The following SPAG16 variants were observed in gnomAD, a reference collection of about 807,000 sequenced individuals.
SPAG16 encodes the protein sperm-associated antigen 16 protein.
A neutral mutation model predicts 80.4 loss-of-function variants in SPAG16; 86 were observed. The observed-to-expected ratio is 1.07, with a 90% CI of 0.90 to 1.28. The LOEUF is 1.28. Among genes scored for constraint, SPAG16 ranks in the 50% most tolerant of loss-of-function variants. SPAG16 has a pLI of 0.00. For missense variants in SPAG16, 870 were observed against 765.3 expected, an observed-to-expected ratio of 1.14 and a Z score of -1.61; for synonymous variants, 294 against 265.9, an observed-to-expected ratio of 1.11 and a Z score of -1.03.
chr2:213,414,194 T>G (rs1190769349), intron 9 of SPAG16, among the ~76,000 whole-genome samples: 1 of 152,208 alleles, frequency 6.6e-6, no homozygotes, highest in African/African-American at 2.4e-5. Flanking sequence ...CTCAATTAAC[T>G]ACACCTCCTG....
chr2:214,020,560 AATTCAGTG>A (rs1559699982), intron 13 of SPAG16, among the ~76,000 whole-genome samples: 1 of 152,164 alleles, frequency 6.6e-6, no homozygotes, highest in African/African-American at 2.4e-5. Flanking sequence ...TAATGACTGT[AATTCAGTG>A]ATTCACAAGT....
chr2:214,237,313 C>G (rs561307712), intron 15 of SPAG16, among the ~76,000 whole-genome samples: 1 of 151,214 alleles, frequency 6.6e-6, no homozygotes, highest in African/African-American at 2.4e-5. Context: ...ATAAATTGAC[C>G]ATGAAACATT....
intron 10 of SPAG16, among the ~76,000 whole-genome samples, chr2:213,672,859 G>GTTTTTT (rs750046794): frequency 8.0e-6 from 1 of 124,422 alleles, no homozygotes; most frequent in African/African-American, 3.0e-5. Context: ...TATTTTGTTT[G>GTTTTTT]TTTTTTTTTT....
rs1245281677 is a variant in SPAG16 at position 213,803,023 on chromosome 2, G to GT, written c.1071-59452dup. ...GCAGTGTACGTAGGAATCTTTTGGA[G>GT]TTTTTTTTTTGTATAACCTATATCT... is the stretch of plus-strand genomic sequence containing the variant. On this transcript the variant is annotated intron_variant, in intron 10 of 15. Transcript: ENST00000331683. Among the ~76,000 whole-genome samples, 425 of 148,434 alleles carry GT rather than the reference G, an allele frequency of 2.9e-3. 2 individuals are homozygous for GT. Among genetic ancestry groups the GT allele is most frequent in the African/African-American group, 7.7e-3 (311 of 40,588 alleles).
chr2:214,123,806 G>T (rs1392752214), intron 14 of SPAG16, among the ~76,000 whole-genome samples: 1 of 152,016 alleles, frequency 6.6e-6, no homozygotes, highest in Non-Finnish European at 1.5e-5. Context: ...GAGAGGCCAA[G>T]TTCCTGAAGT....
chr2:213,844,407 C>G (rs1051092042), intron 10 of SPAG16, among the ~76,000 whole-genome samples: 21 of 152,148 alleles, frequency 1.4e-4, no homozygotes, highest in Non-Finnish European at 2.5e-4. Context: ...TTTCGGTTAT[C>G]TAGCAGACTG....
rs377729576 is a variant in SPAG16, at chr2:213,985,327, T to C, written c.1401-28624T>C. Among the ~76,000 whole-genome samples the C allele has an allele frequency of 5.9e-5, 9 of 152,260 alleles. No individual in the cohort carries two copies. In the East Asian group the frequency reaches 9.7e-4, roughly 16 times the overall value. ...GTTTGAATTTTTAAAGTTTGATTTA[T>C]TAAAACCTGTATTACTTGGTAGCAC... On this transcript the variant is annotated intron_variant, in intron 12 of 15. Coordinates refer to ENST00000331683, the MANE Select transcript of SPAG16 (RefSeq NM_024532.5).
At chr2:214,243,864 A>T (rs1375592645) in intron 15 of SPAG16, among the ~76,000 whole-genome samples, 2 of 152,108 alleles carry the variant, frequency 1.3e-5, no homozygotes, top group African/African-American at 2.4e-5. Context: ...CATCCTACAA[A>T]TAGGAATGAA....
intron 9 of SPAG16, among the ~76,000 whole-genome samples, chr2:213,414,708 G>A (rs987813840): frequency 1.3e-5 from 2 of 152,146 alleles, no homozygotes; most frequent in African/African-American, 4.8e-5. Context: ...CCTTCAATAG[G>A]AAGCCAAAAT....
intron 13 of SPAG16, among the ~76,000 whole-genome samples, chr2:214,022,488 A>G (rs1435572375): frequency 6.6e-6 from 1 of 152,176 alleles, no homozygotes; most frequent in Non-Finnish European, 1.5e-5. Context: ...GTATTAAATG[A>G]TCAATCATAT....
intron 13 of SPAG16, among the ~76,000 whole-genome samples, chr2:214,098,382 G>T (rs757577696): frequency 2.6e-5 from 4 of 151,944 alleles, no homozygotes; most frequent in Non-Finnish European, 5.9e-5. Context: ...TGGAGATAAG[G>T]TCTATAAAGA....
intron 14 of SPAG16, among the ~76,000 whole-genome samples, chr2:214,133,599 G>A (rs1049034348): frequency 6.6e-6 from 1 of 152,166 alleles, no homozygotes; most frequent in South Asian, 2.1e-4. Context: ...GGAGGTTGCA[G>A]TGAGCTGAGA....
intron 13 of SPAG16, among the ~76,000 whole-genome samples, chr2:214,053,972 A>G (rs571852360): frequency 6.6e-6 from 1 of 152,292 alleles, no homozygotes; most frequent in East Asian, 1.9e-4. Context: ...AGGACAATGA[A>G]ATAACTTTCT....
At chr2:213,557,050 A>T (rs550194610) in intron 10 of SPAG16, among the ~76,000 whole-genome samples, 1 of 152,256 alleles carries the variant, frequency 6.6e-6, no homozygotes, top group East Asian at 1.9e-4. Flanking sequence ...AATATGCTCA[A>T]ATTAGTATAG....
intron 15 of SPAG16, among the ~76,000 whole-genome samples, chr2:214,287,302 A>G (rs1038336157): frequency 3.3e-5 from 5 of 152,216 alleles, no homozygotes; most frequent in Admixed American, 6.5e-5. Context: ...CTTTTCTGTT[A>G]TAAGAACTTA....
chr2:213,485,820 G>T (rs930075070), intron 9 of SPAG16, among the ~76,000 whole-genome samples: 4 of 151,962 alleles, frequency 2.6e-5, no homozygotes, highest in African/African-American at 9.7e-5. Context: ...ACAGATCTAG[G>T]GTCTGGGGGA....
At chr2:214,224,693 G>A (rs554932897) in intron 15 of SPAG16, among the ~76,000 whole-genome samples, 3 of 152,110 alleles carry the variant, frequency 2.0e-5, no homozygotes, top group Non-Finnish European at 2.9e-5. Flanking sequence ...TATAATCCTG[G>A]GAAATTTTAA....
intron 13 of SPAG16, among the ~76,000 whole-genome samples, chr2:214,015,135 A>C (rs1003106719): frequency 2.0e-5 from 3 of 152,160 alleles, no homozygotes; most frequent in Middle Eastern, 3.2e-3. Context: ...CCAAGGCTGG[A>C]GTTTTCAGCC....
At chr2:213,686,855 T>C (rs1003489695) in intron 10 of SPAG16, among the ~76,000 whole-genome samples, 2 of 151,820 alleles carry the variant, frequency 1.3e-5, no homozygotes, top group Admixed American at 1.3e-4. Context: ...GGCTAAGTTT[T>C]TGTATTTTTA....
Sources: allele counts gnomAD v4.1 joint callset (sites outside exome capture counted in the v4.1 genomes callset), GRCh38; gene constraint gnomAD v4.1.1; transcripts MANE v1.5; gene names NCBI Gene and HGNC (gene_info 2026-07-23, HGNC 2026-07-21).